Variants in NR1I2 observed in about 807,000 individuals in gnomAD.
NR1I2 encodes the protein nuclear receptor subfamily 1 group I member 2, also known as orphan nuclear receptor PAR1.
NR1I2 carries 42 observed loss-of-function variants against 43.3 expected under a neutral mutation model. That is an observed-to-expected ratio of 0.97 (90% CI 0.76 to 1.26). NR1I2 has a LOEUF of 1.26. Among genes scored for constraint, NR1I2 ranks in the 50% most tolerant of loss-of-function variants. The probability of loss-of-function intolerance (pLI) is 0.00; values close to 1 mark genes in which losing one functional copy is unlikely to be tolerated. For missense variants in NR1I2, 559 were observed against 566.7 expected (o/e 0.99, Z 0.14); for synonymous variants, 229 against 215.0 (o/e 1.06, Z -0.57).
intron 1 of NR1I2, among the ~76,000 whole-genome samples, chr3:119,804,958 T>C (rs1338903636): frequency 6.6e-6 from 1 of 152,210 alleles, no homozygotes; most frequent in East Asian, 1.9e-4. Flanking sequence ...AGATTTACCA[T>C]CTTTTTTTCC....
At chr3:119,792,160 A>G (rs1559783759) in intron 1 of NR1I2, 2 of 913,128 alleles carry the variant, frequency 2.2e-6, no homozygotes, top group East Asian at 2.4e-5. Flanking sequence ...GGAGAAGACT[A>G]TGATGAGCGT....
chr3:119,797,615 T>C (rs904563832), intron 1 of NR1I2, among the ~76,000 whole-genome samples: 13 of 152,330 alleles, frequency 8.5e-5, no homozygotes, highest in African/African-American at 2.9e-4. Flanking sequence ...CATACATACA[T>C]ATCTCTAAAA....
Position 119,811,602 on chromosome 3 carries a change from G to C in NR1I2, c.395G>C (p.Arg132Pro), listed in dbSNP as rs375233676. 7.4e-6 allele frequency: 12 copies of C among 1,613,900 alleles called. No homozygotes were observed. Among genetic ancestry groups the C allele is most frequent in the Non-Finnish European group, 9.3e-6 (11 of 1,179,930 alleles). The change falls in exon 4 of 9, where the codon CGG becomes CCG. Residue 132 changes from arginine (R) to proline (P), a missense_variant. Transcript: ENST00000393716. Reference sequence around the variant, plus strand: ...TTGATCAAGCGGAAGAAAAGTGAACGGACAGGGACTCAGCCACTGGGAGTG... The same window carrying C: ...TTGATCAAGCGGAAGAAAAGTGAACCGACAGGGACTCAGCCACTGGGAGTG...
intron 1 of NR1I2, chr3:119,802,982 G>A (rs1302545914): frequency 8.8e-6 from 4 of 456,600 alleles, no homozygotes; most frequent in East Asian, 6.9e-5. Context: ...GGGGACTTTG[G>A]GGGGTGATTG....
rs138580680 is a variant in NR1I2 at position 119,801,915 on chromosome 3, A to C, written c.-22-5314A>C. On this transcript the variant is annotated intron_variant, in intron 1 of 8. Coordinates refer to ENST00000393716, the MANE Select transcript of NR1I2 (RefSeq NM_003889.4). ...CTCCCTCTTCACATGGCCTCTCCGC[A>C]TGGTCTCTTTGGGTGGTCACTGAGC... Among the ~76,000 whole-genome samples, 38 of 152,238 alleles carry C rather than the reference A, an allele frequency of 2.5e-4. No individual in the cohort carries two copies. In the East Asian group the frequency reaches 7.1e-3, roughly 29 times the overall value.
chr3:119,792,512 C>T, intron 1 of NR1I2: 1 of 1,083,986 alleles, frequency 9.2e-7, no homozygotes, highest in Non-Finnish European at 1.4e-6. Context: ...CATCACCAAT[C>T]TGCCGGCAGG....
At chr3:119,801,143 A>T (rs2055074524) in intron 1 of NR1I2, among the ~76,000 whole-genome samples, 1 of 152,236 alleles carries the variant, frequency 6.6e-6, no homozygotes. Context: ...GACTAAATTC[A>T]TTGATTTATT....
At chr3:119,805,244 G>GT (rs1559787692) in intron 1 of NR1I2, among the ~76,000 whole-genome samples, 19 of 151,880 alleles carry the variant, frequency 1.3e-4, no homozygotes, top group Admixed American at 7.2e-4. Flanking sequence ...AGTTTTTTTG[G>GT]TTTGTTTTGT....
intron 1 of NR1I2, among the ~76,000 whole-genome samples, chr3:119,800,625 T>C (rs1435202527): frequency 6.6e-6 from 1 of 152,238 alleles, no homozygotes. Flanking sequence ...GCGGTCTTGC[T>C]GTATTACCCA....
intron 5 of NR1I2, among the ~76,000 whole-genome samples, chr3:119,814,216 G>T (rs2107977278): frequency 6.6e-6 from 1 of 152,322 alleles, no homozygotes; most frequent in Admixed American, 6.5e-5. Context: ...CTCTCAGGCT[G>T]TGAAGCTTCC....
intron 8 of NR1I2, 25 bp from the exon 9 acceptor site, chr3:119,817,043 A>T (rs768280966): frequency 6.2e-7 from 1 of 1,614,014 alleles, no homozygotes; most frequent in Non-Finnish European, 8.5e-7. Context: ...CTGCACCCAC[A>T]ATCTTTTCTC....
intron 1 of NR1I2, chr3:119,782,835 T>G (rs771566846): frequency 2.6e-4 from 419 of 1,613,988 alleles, no homozygotes; most frequent in Non-Finnish European, 3.5e-4. Flanking sequence ...GTGCTGCGGC[T>G]GAGTTGGCTT....
chr3:119,815,724 A>G lies in NR1I2; in HGVS notation c.1055-2A>G. ...CTTGCACCACACCTCCCTCCCCTCC[A>G]GACCGCCCAGGTGTGCTGCAGCACC... is the stretch of plus-strand genomic sequence containing the variant. On this transcript the variant is annotated splice_acceptor_variant, in intron 7 of 8. Transcript: ENST00000393716. LOFTEE classifies it high-confidence loss of function. 2 of 1,611,958 alleles carry G rather than the reference A, an allele frequency of 1.2e-6. No homozygotes were observed. Among genetic ancestry groups the G allele is most frequent in the East Asian group, 2.2e-5 (1 of 44,818 alleles).
rs768816150 is a variant in NR1I2, at chr3:119,812,924, G to A, written c.758G>A (p.Gly253Asp). 3.1e-6 allele frequency: 5 copies of A among 1,613,964 alleles called. No homozygotes were observed. Among genetic ancestry groups the A allele is most frequent in the African/African-American group, 1.3e-5 (1 of 75,056 alleles). ...GACATGTCAACCTACATGTTCAAAGGCATCATCAGCTTTGCCAAAGTCATC... is the reference window on the plus strand; with the variant it reads ...GACATGTCAACCTACATGTTCAAAGACATCATCAGCTTTGCCAAAGTCATC... The change falls in exon 5 of 9, where the codon GGC becomes GAC. Residue 253 changes from glycine to aspartate, a missense_variant. Physicochemically the swap from Gly to Asp is moderately conservative, Grantham distance 94. Coordinates refer to ENST00000393716, the MANE Select transcript of NR1I2 (RefSeq NM_003889.4).
At chr3:119,811,952 A>T (rs562164054) in intron 4 of NR1I2, among the ~76,000 whole-genome samples, 1 of 152,206 alleles carries the variant, frequency 6.6e-6, no homozygotes, top group South Asian at 2.1e-4. Context: ...CAGCATGCAG[A>T]TTTTCAGGTC....
At chr3:119,816,931 T>TA in intron 8 of NR1I2, 137 bp from the exon 9 acceptor site, 1 of 1,100,074 alleles carries the variant, frequency 9.1e-7, no homozygotes, top group South Asian at 1.3e-5. Flanking sequence ...AAGAGAAGCT[T>TA]ACGGAATTCA....
intron 5 of NR1I2, 109 bp downstream of exon 5, chr3:119,813,069 A>T (rs1049438217): frequency 1.0e-5 from 13 of 1,240,502 alleles, no homozygotes; most frequent in Non-Finnish European, 1.5e-5. Context: ...GTGTCAGAAG[A>T]CCCTCCTTTT....
chr3:119,816,221 CTTGG>C (rs2055326444), intron 8 of NR1I2, among the ~76,000 whole-genome samples: 1 of 152,192 alleles, frequency 6.6e-6, no homozygotes, highest in Non-Finnish European at 1.5e-5. Flanking sequence ...TTCTTTTTGG[CTTGG>C]TGTCCTGGGA....
intron 1 of NR1I2, chr3:119,792,151 G>A: frequency 1.1e-6 from 1 of 875,686 alleles, no homozygotes; most frequent in South Asian, 1.3e-5. Flanking sequence ...ACCAGGATCG[G>A]AGAAGACTAT....
Sources: gnomAD v4.1 joint callset for allele counts (sites outside exome capture counted in the v4.1 genomes callset) on GRCh38, gnomAD v4.1.1 for gene constraint, MANE v1.5 for transcripts, NCBI Gene and HGNC (gene_info 2026-07-23, HGNC 2026-07-21) for gene names.